The following SERPINA1 variants were observed in gnomAD, a reference collection of about 807,000 sequenced individuals.
The protein encoded by SERPINA1 is alpha-1-antitrypsin.
A neutral mutation model predicts 25.4 loss-of-function variants in SERPINA1; 21 were observed. That is an observed-to-expected ratio of 0.83 (90% CI 0.59 to 1.19). The LOEUF (loss-of-function observed/expected upper bound fraction) is 1.19. Among genes scored for constraint, SERPINA1 ranks in the 50% most tolerant of loss-of-function variants. The probability of loss-of-function intolerance (pLI) is 0.00; values close to 1 mark genes in which losing one functional copy is unlikely to be tolerated. For missense variants in SERPINA1, 546 were observed against 509.0 expected, an observed-to-expected ratio of 1.07 and a Z score of -0.70; for synonymous variants, 218 against 211.1, an observed-to-expected ratio of 1.03 and a Z score of -0.29.
intron 1 of SERPINA1, among the ~76,000 whole-genome samples, chr14:94,388,278 T>G (rs1052214859): frequency 1.6e-4 from 25 of 152,160 alleles, no homozygotes; most frequent in Admixed American, 2.6e-4. Context: ...GTGCCAGGAC[T>G]GCAGACCTAG....
intron 1 of SERPINA1, among the ~76,000 whole-genome samples, chr14:94,386,485 C>A (rs969786162): frequency 6.6e-6 from 1 of 152,218 alleles, no homozygotes; most frequent in Non-Finnish European, 1.5e-5. Flanking sequence ...CACTTACTGG[C>A]AGGGGGCCTG....
chr14:94,380,200 C>T (rs1281036499), intron 3 of SERPINA1, among the ~76,000 whole-genome samples: 1 of 152,270 alleles, frequency 6.6e-6, no homozygotes, highest in Non-Finnish European at 1.5e-5. Context: ...GCCTCGATTC[C>T]TATTATGAAC....
intron 1 of SERPINA1, among the ~76,000 whole-genome samples, chr14:94,388,001 G>A (rs1595625854): frequency 1.3e-5 from 2 of 152,110 alleles, no homozygotes; most frequent in East Asian, 1.9e-4. Flanking sequence ...TTGATGTAAG[G>A]CTGAGGCCTG....
At chr14:94,380,344 A>C (rs1409771518) in intron 3 of SERPINA1, among the ~76,000 whole-genome samples, 1 of 152,278 alleles carries the variant, frequency 6.6e-6, no homozygotes, top group Admixed American at 6.5e-5. Flanking sequence ...TTACTACAGG[A>C]CACCCAATCT....
In SERPINA1 at chr14:94,378,091, C is replaced by T. The variant is rs1368899447; in HGVS notation, c.*358G>A. 1.0e-5 allele frequency: 3 copies of T among 292,096 alleles called. No individual in the cohort carries two copies. The highest frequency in any genetic ancestry group is 4.7e-5 in the Admixed American group (1 of 21,262). 18.1% of individuals were successfully genotyped at this position (292,096 alleles called of 1,614,324 possible). ...TGCTTGGTGGAGCCTGGGGTCATGGCTGGTATCTGGTTCCTCCCCTGTGAT... is the reference window on the plus strand; with the variant it reads ...TGCTTGGTGGAGCCTGGGGTCATGGTTGGTATCTGGTTCCTCCCCTGTGAT... On this transcript the variant is annotated 3_prime_UTR_variant, in exon 5 of 5. Coordinates refer to ENST00000393087, the MANE Select transcript of SERPINA1 (RefSeq NM_000295.5).
Position 94,382,643 on chromosome 14 carries a change from C to T in SERPINA1, c.595G>A (p.Glu199Lys). The change falls in exon 2 of 5, where the codon GAG (glutamate) becomes AAG (lysine). Residue 199 changes from glutamate to lysine, a missense_variant. Transcript: ENST00000393087. ...GCAAAAACTGTGTCTCTGTCAAGCT[C>T]CTTGACCAAATCCACAATTTTCCCT... ...TQGKIVDLVK[E>K]LDRDTVFALV... 6.2e-7 allele frequency: 1 copy of T among 1,614,240 alleles called. No individual in the cohort carries two copies. Among genetic ancestry groups the T allele is most frequent in the Non-Finnish European group, 8.5e-7 (1 of 1,180,054 alleles).
In SERPINA1 at chr14:94,378,400, C is replaced by T; in HGVS notation, c.*49G>A. The T allele has an allele frequency of 6.6e-7, 1 of 1,513,334 alleles. No individual in the cohort carries two copies. Among genetic ancestry groups the T allele is most frequent in the Non-Finnish European group, 9.2e-7 (1 of 1,088,508 alleles). The allele number at this position is 1,513,334 out of a possible 1,614,324, so 93.7% of individuals were successfully genotyped here. On this transcript the variant is annotated 3_prime_UTR_variant, in exon 5 of 5. Coordinates refer to ENST00000393087, the MANE Select transcript of SERPINA1 (RefSeq NM_000295.5). ...AGCTCAACCCTTCTTTAATGTCATC[C>T]AGGGAGGGGGCCAGGGATGGAGGGG...
intron 3 of SERPINA1, 72 bp from the exon 4 acceptor site, chr14:94,379,683 A>G (rs185121232): frequency 1.2e-6 from 2 of 1,604,880 alleles, no homozygotes; most frequent in Non-Finnish European, 1.7e-6. Context: ...ACCACAGTGC[A>G]AGTGTTTTCT....
chr14:94,376,756 TGTA>T lies in SERPINA1; in HGVS notation c.*1690_*1692del, dbSNP rs1420783743. 1 of 152,220 alleles carries T rather than the reference TGTA, an allele frequency of 6.6e-6. No individual in the cohort carries two copies. The highest frequency in any genetic ancestry group is 2.4e-5 in the African/African-American group (1 of 41,442). 9.4% of individuals were successfully genotyped at this position (152,220 alleles called of 1,614,324 possible). A position where few individuals can be genotyped will look rare whatever the true frequency, so the allele number is the denominator to read the frequency against. On this transcript the variant is annotated 3_prime_UTR_variant, in exon 5 of 5. Coordinates refer to ENST00000393087, the MANE Select transcript of SERPINA1 (RefSeq NM_000295.5). ...ACAGAAAGCTCATAAGTGCAAGAAA[TGTA>T]GTTCTATTTATTCTCTGTTCTAATG...
Position 94,378,111 on chromosome 14 carries a change from T to G in SERPINA1, c.*338A>C. The G allele has an allele frequency of 3.0e-6, 1 of 333,224 alleles. No homozygotes were observed. Among genetic ancestry groups the G allele is most frequent in the Non-Finnish European group, 5.6e-6 (1 of 179,210 alleles). 20.6% of individuals were successfully genotyped at this position (333,224 alleles called of 1,614,324 possible). A position where few individuals can be genotyped will look rare whatever the true frequency, so the allele number is the denominator to read the frequency against. ...CATGGCTGGTATCTGGTTCCTCCCC[T>G]GTGATTCCTTCTTGGGGACTCCAAG... On this transcript the variant is annotated 3_prime_UTR_variant, in exon 5 of 5. Transcript: ENST00000393087.
rs898680730 is a variant in SERPINA1, at chr14:94,378,153, T to A, written c.*296A>T. 2.9e-5 allele frequency: 14 copies of A among 484,264 alleles called. No individual in the cohort carries two copies. Among genetic ancestry groups the A allele is most frequent in the Non-Finnish European group, 4.9e-5 (13 of 267,466 alleles). 30.0% of individuals were successfully genotyped at this position (484,264 alleles called of 1,614,324 possible). A position where few individuals can be genotyped will look rare whatever the true frequency, so the allele number is the denominator to read the frequency against. On this transcript the variant is annotated 3_prime_UTR_variant, in exon 5 of 5. Transcript: ENST00000393087. Reference sequence around the variant, plus strand: ...GACTCCAAGACAGGACAAGGAAGACTGGAGCCCTCCAGAAACAGATGGGCC... The same window carrying A: ...GACTCCAAGACAGGACAAGGAAGACAGGAGCCCTCCAGAAACAGATGGGCC...
rs759598955 is a variant in SERPINA1 at position 94,383,230 on chromosome 14, G to C, written c.8C>G (p.Ser3Cys). The C allele has an allele frequency of 6.2e-7, 1 of 1,611,878 alleles. No homozygotes were observed. Among genetic ancestry groups the C allele is most frequent in the Non-Finnish European group, 8.5e-7 (1 of 1,179,902 alleles). ...CAGGAGGATGCCCCACGAGACAGAA[G>C]ACGGCATTGTCCTGCAAGACAGAGA... is the stretch of plus-strand genomic sequence containing the variant. MPSSVSWGILLLA... is the reference protein window; with the variant it reads MPCSVSWGILLLA... The change falls in exon 2 of 5, where the codon TCT becomes TGT. Residue 3 changes from serine (S) to cysteine (C), a missense_variant. By Grantham distance (112) the Ser-to-Cys change is moderately radical. Coordinates refer to ENST00000393087, the MANE Select transcript of SERPINA1 (RefSeq NM_000295.5).
chr14:94,383,233 G>A lies in SERPINA1; in HGVS notation c.5C>T (p.Pro2Leu), dbSNP rs142288916. The A allele has an allele frequency of 1.7e-5, 28 of 1,611,236 alleles. No homozygotes were observed. Among genetic ancestry groups the A allele is most frequent in the South Asian group, 6.6e-5 (6 of 91,052 alleles). The change falls in exon 2 of 5, where the codon CCG becomes CTG. Residue 2 changes from proline to leucine, a missense_variant. By Grantham distance (98) the Pro-to-Leu change is moderately conservative. Transcript: ENST00000393087. Reference sequence around the variant, plus strand: ...GAGGATGCCCCACGAGACAGAAGACGGCATTGTCCTGCAAGACAGAGATGG... The same window carrying A: ...GAGGATGCCCCACGAGACAGAAGACAGCATTGTCCTGCAAGACAGAGATGG... Reference protein sequence around the residue: MPSSVSWGILLL... With the variant: MLSSVSWGILLL...
At chr14:94,385,865 A>G (rs114627501) in intron 1 of SERPINA1, among the ~76,000 whole-genome samples, 183 of 152,274 alleles carry the variant, frequency 1.2e-3, no homozygotes, top group African/African-American at 4.2e-3. Flanking sequence ...TTCACAGTGA[A>G]GAGTTTGAAG....
intron 1 of SERPINA1, among the ~76,000 whole-genome samples, chr14:94,385,613 C>T (rs1443821705): frequency 6.6e-6 from 1 of 152,188 alleles, no homozygotes; most frequent in Non-Finnish European, 1.5e-5. Context: ...AGGCGAGAGC[C>T]CCTGCACCCA....
At chr14:94,385,144 G>A (rs903844167) in intron 1 of SERPINA1, among the ~76,000 whole-genome samples, 6 of 152,230 alleles carry the variant, frequency 3.9e-5, no homozygotes, top group Admixed American at 3.9e-4. Flanking sequence ...GGCCTCTGCA[G>A]GGTGGGGACA....
At chr14:94,380,764 G>A (rs2139680969) in intron 3 of SERPINA1, 107 bp downstream of exon 3, 1 of 1,416,778 alleles carries the variant, frequency 7.1e-7, no homozygotes, top group Non-Finnish European at 1.0e-6. Context: ...ACCCAGGGAT[G>A]TGGGGTTCAC....
chr14:94,383,275 G>A (rs187534632), intron 1 of SERPINA1, 34 bp from the exon 2 acceptor site: 2 of 1,597,380 alleles, frequency 1.3e-6, no homozygotes, highest in African/African-American at 2.7e-5. Context: ...CAGGCCCCGA[G>A]TCAAGGCACA....
In SERPINA1 at chr14:94,383,253, A is replaced by G; in HGVS notation, c.-4-12T>C. ...AAGACGGCATTGTCCTGCAAGACAG[A>G]GATGGGGGGGCCAGGCCCCGAGTCA... On this transcript the variant is annotated splice_polypyrimidine_tract_variant and intron_variant, in intron 1 of 4. Transcript: ENST00000393087. 1 of 1,607,096 alleles carries G rather than the reference A, an allele frequency of 6.2e-7. No homozygotes were observed. The highest frequency in any genetic ancestry group is 2.2e-5 in the East Asian group (1 of 44,768).
Sources: allele counts gnomAD v4.1 joint callset (sites outside exome capture counted in the v4.1 genomes callset), GRCh38; gene constraint gnomAD v4.1.1; transcripts MANE v1.5; gene names NCBI Gene and HGNC (gene_info 2026-07-23, HGNC 2026-07-21).